Variants in TRIM71 observed in about 807,000 individuals in gnomAD.
The protein encoded by TRIM71 is tripartite motif containing 71, also known as E3 ubiquitin-protein ligase TRIM71.
A neutral mutation model predicts 61.2 loss-of-function variants in TRIM71; 9 were observed. The observed-to-expected ratio is 0.15, with a 90% CI of 0.09 to 0.26. The LOEUF (loss-of-function observed/expected upper bound fraction) is 0.26. Among genes scored for constraint, TRIM71 ranks in the 10% least tolerant of loss-of-function variants. The probability of loss-of-function intolerance (pLI) is 1.00; values close to 1 mark genes in which losing one functional copy is unlikely to be tolerated. For missense variants in TRIM71, 998 were observed against 1,238.7 expected (o/e 0.81, Z 2.92); for synonymous variants, 645 against 553.2 (o/e 1.17, Z -2.33).
At chr3:32,826,512 T>C (rs1390066765) in intron 1 of TRIM71, among the ~76,000 whole-genome samples, 2 of 151,446 alleles carry the variant, frequency 1.3e-5, no homozygotes, top group South Asian at 4.2e-4. Context: ...TTTTTTGTCA[T>C]CCTTACTGTA....
chr3:32,844,123 A>G (rs1212443399), intron 1 of TRIM71, among the ~76,000 whole-genome samples: 1 of 152,158 alleles, frequency 6.6e-6, no homozygotes, highest in Admixed American at 6.5e-5. Flanking sequence ...GTGGTTGTGT[A>G]AATCAGCCCT....
rs1428531424 is a variant in TRIM71, at chr3:32,818,899, G to C, written c.819G>C (p.Glu273Asp). 6.2e-7 allele frequency: 1 copy of C among 1,612,596 alleles called. No homozygotes were observed. Among genetic ancestry groups the C allele is most frequent in the East Asian group, 2.2e-5 (1 of 44,866 alleles). Residue 273 changes from glutamate (E) to aspartate (D), a missense_variant, in exon 1 of 4, where the codon GAG (glutamate) becomes GAC (aspartate). Glu to Asp is a conservative substitution (Grantham distance 45, BLOSUM62 2). Coordinates refer to ENST00000383763, the MANE Select transcript of TRIM71 (RefSeq NM_001039111.3). Reference sequence around the variant, plus strand: ...TCTCCATCCTCTCAGTGTTTCCCGAGCGCCTCGGCTTCTGCCAGCACCACG... The same window carrying C: ...TCTCCATCCTCTCAGTGTTTCCCGACCGCCTCGGCTTCTGCCAGCACCACG... The part of the protein sequence containing the change: ...PPFSILSVFP[E>D]RLGFCQHHDD...
At chr3:32,889,882 G>A (rs916394098) in intron 3 of TRIM71, among the ~76,000 whole-genome samples, 15 of 145,686 alleles carry the variant, frequency 1.0e-4, no homozygotes, top group Non-Finnish European at 2.0e-4. Context: ...TGAGGCGTGC[G>A]TGTATGTGTG....
rs190940777 is a variant in TRIM71, at chr3:32,845,141, A to G, written c.852+26209A>G. ...AACAGGAGCCACCTGGAGGCTTTCCAGGTACCTGTCTGGATTGTATAAAAA... is the reference window on the plus strand; with the variant it reads ...AACAGGAGCCACCTGGAGGCTTTCCGGGTACCTGTCTGGATTGTATAAAAA... On this transcript the variant is annotated intron_variant, in intron 1 of 3. Coordinates refer to ENST00000383763, the MANE Select transcript of TRIM71 (RefSeq NM_001039111.3). 5.0e-3 allele frequency among the ~76,000 whole-genome samples: 757 copies of G among 150,006 alleles called. 26 individuals carry two copies. The highest frequency in any genetic ancestry group is 1.0e-3 in the Non-Finnish European group (71 of 68,016).
Position 32,818,491 on chromosome 3 carries a change from C to T in TRIM71, c.411C>T (p.Ala137=), listed in dbSNP as rs920025110. Residue 137 remains alanine (A), a synonymous_variant, in exon 1 of 4, where the codon GCC becomes GCT. Transcript: ENST00000383763. ...ADEPPPKNGR[A]GAPAGAGGHS... Reference sequence around the variant, plus strand: ...AGCCGCCGCCCAAGAACGGGCGCGCCGGCGCTCCGGCGGGAGCGGGCGGCC... The same window carrying T: ...AGCCGCCGCCCAAGAACGGGCGCGCTGGCGCTCCGGCGGGAGCGGGCGGCC... The T allele has an allele frequency of 4.0e-5, 57 of 1,427,412 alleles. No individual in the cohort carries two copies. The East Asian group carries it at 4.5e-4, about 11-fold the overall frequency. 88.4% of individuals were successfully genotyped at this position (1,427,412 alleles called of 1,614,324 possible).
chr3:32,833,801 A>G (rs1575343142), intron 1 of TRIM71, among the ~76,000 whole-genome samples: 1 of 152,176 alleles, frequency 6.6e-6, no homozygotes, highest in Non-Finnish European at 1.5e-5. Context: ...AGAAATTTAA[A>G]GTGAAGGAAT....
intron 1 of TRIM71, among the ~76,000 whole-genome samples, chr3:32,822,610 TA>T (rs1306567335): frequency 1.3e-5 from 2 of 152,204 alleles, no homozygotes; most frequent in African/African-American, 4.8e-5. Context: ...TCCCAAAGTC[TA>T]AGTTTTTTCA....
intron 3 of TRIM71, among the ~76,000 whole-genome samples, chr3:32,889,348 G>C (rs1696996755): frequency 6.6e-6 from 1 of 152,184 alleles, no homozygotes; most frequent in African/African-American, 2.4e-5. Context: ...CACAGTCATG[G>C]CACACTACAG....
rs1696085168 is a variant in TRIM71 at position 32,818,501 on chromosome 3, G to C, written c.421G>C (p.Ala141Pro). Reference protein sequence around the residue: ...PPKNGRAGAPAGAGGHSNHRH... With the variant: ...PPKNGRAGAPPGAGGHSNHRH... ...CAAGAACGGGCGCGCCGGCGCTCCG[G>C]CGGGAGCGGGCGGCCACAGCAACCA... The change falls in exon 1 of 4, where the codon GCG becomes CCG. Residue 141 changes from alanine (A) to proline (P), a missense_variant. This residue lies in a region of TRIM71 where 527 missense variants were observed against 427.8 expected (regional missense o/e 1.23). Transcript: ENST00000383763. The C allele has an allele frequency of 7.0e-7, 1 of 1,420,120 alleles. No homozygotes were observed. Among genetic ancestry groups the C allele is most frequent in the East Asian group, 3.3e-5 (1 of 30,730 alleles). 88.0% of individuals were successfully genotyped at this position (1,420,120 alleles called of 1,614,324 possible).
intron 1 of TRIM71, among the ~76,000 whole-genome samples, chr3:32,848,535 C>T (rs1696500824): frequency 6.6e-6 from 1 of 152,206 alleles, no homozygotes; most frequent in Non-Finnish European, 1.5e-5. Flanking sequence ...TGCTAATTCT[C>T]TGCTATCTCT....
chr3:32,875,950 A>G (rs559768274), intron 2 of TRIM71, among the ~76,000 whole-genome samples: 1 of 152,356 alleles, frequency 6.6e-6, no homozygotes, highest in East Asian at 1.9e-4. Flanking sequence ...CATGATACTG[A>G]AACAATCTTT....
chr3:32,841,758 G>C (rs554978736), intron 1 of TRIM71, among the ~76,000 whole-genome samples: 1 of 152,242 alleles, frequency 6.6e-6, no homozygotes, highest in Non-Finnish European at 1.5e-5. Context: ...CAAGAGGTTT[G>C]TGGGACTTCA....
At chr3:32,849,715 G>A (rs1274896878) in intron 1 of TRIM71, among the ~76,000 whole-genome samples, 6 of 152,206 alleles carry the variant, frequency 3.9e-5, no homozygotes, top group South Asian at 2.1e-4. Context: ...AGGTAAACAA[G>A]CCTCCTTCCC....
chr3:32,844,482 G>A (rs899407499), intron 1 of TRIM71, among the ~76,000 whole-genome samples: 2 of 152,006 alleles, frequency 1.3e-5, no homozygotes, highest in East Asian at 1.9e-4. Flanking sequence ...CCGGAGCCTC[G>A]GCCTCCCAGA....
At chr3:32,819,206 G>T (rs80062298) in intron 1 of TRIM71, among the ~76,000 whole-genome samples, 3,118 of 152,236 alleles carry the variant, frequency 0.02, 107 homozygotes, top group African/African-American at 0.07. Flanking sequence ...GCAAAACGCG[G>T]CAATCGTCTT....
intron 2 of TRIM71, among the ~76,000 whole-genome samples, chr3:32,880,044 T>C (rs972720883): frequency 1.3e-5 from 2 of 152,072 alleles, no homozygotes; most frequent in African/African-American, 4.8e-5. Context: ...AGTTTGTGAT[T>C]ATATTTTTTA....
Position 32,830,923 on chromosome 3 carries a change from G to A in TRIM71, c.852+11991G>A, listed in dbSNP as rs559249244. Among the ~76,000 whole-genome samples, 420 of 152,270 alleles carry A rather than the reference G, an allele frequency of 2.8e-3. 1 individual carries two copies. Among genetic ancestry groups the A allele is most frequent in the Admixed American group, 5.7e-3 (87 of 15,292 alleles). On this transcript the variant is annotated intron_variant, in intron 1 of 3. Transcript: ENST00000383763. The stretch of plus-strand genomic sequence containing the variant: ...CCTCCTGGGTTCAAGCGATTCTCGT[G>A]CCTCAGCCTCCCCAGTAGCTGGGAT...
rs1250504599 is a variant in TRIM71 at position 32,892,583 on chromosome 3, A to C, written c.*772A>C. The C allele has an allele frequency of 6.6e-6, 1 of 152,126 alleles. No homozygotes were observed. The highest frequency in any genetic ancestry group is 1.5e-5 in the Non-Finnish European group (1 of 68,014). The allele number at this position is 152,126 out of a possible 1,614,324, so 9.4% of individuals were successfully genotyped here. Reference sequence around the variant, plus strand: ...GTTTCTTTTAAGGGAGGGTGTGTGCATGTTTGTTTCAAAGCCATCTTGCAC... The same window carrying C: ...GTTTCTTTTAAGGGAGGGTGTGTGCCTGTTTGTTTCAAAGCCATCTTGCAC... On this transcript the variant is annotated 3_prime_UTR_variant, in exon 4 of 4. Coordinates refer to ENST00000383763, the MANE Select transcript of TRIM71 (RefSeq NM_001039111.3).
chr3:32,821,405 C>T (rs750292151), intron 1 of TRIM71, among the ~76,000 whole-genome samples: 8 of 152,046 alleles, frequency 5.3e-5, no homozygotes, highest in Non-Finnish European at 1.2e-4. Context: ...GGGAAGGAGG[C>T]CCAAACACCC....
Sources: gnomAD v4.1 joint callset for allele counts (sites outside exome capture counted in the v4.1 genomes callset) on GRCh38, gnomAD v4.1.1 for gene constraint, gnomAD v4.1.1 regional missense constraint, MANE v1.5 for transcripts, NCBI Gene and HGNC (gene_info 2026-07-23, HGNC 2026-07-21) for gene names.